CASP8: variants seen among roughly 807,000 people sequenced by gnomAD.
CASP8 encodes the protein caspase-8.
In CASP8, 24 loss-of-function variants were observed where a neutral mutation model predicts 46.3. That is an observed-to-expected ratio of 0.52 (90% CI 0.38 to 0.73). CASP8 has a LOEUF of 0.73. Ranked by LOEUF, CASP8 falls within the 30% of genes least tolerant of loss-of-function variation. The pLI is 0.00. For synonymous variants in CASP8, 188 were observed against 200.4 expected, an observed-to-expected ratio of 0.94 and a Z score of 0.52; for missense variants, 460 against 559.0, an observed-to-expected ratio of 0.82 and a Z score of 1.79.
chr2:201,261,427 A>G (rs1451372070), intron 1 of CASP8, among the ~76,000 whole-genome samples: 1 of 152,100 alleles, frequency 6.6e-6, no homozygotes, highest in Admixed American at 6.6e-5. Context: ...AAAGATACAG[A>G]ACAGTTCAAA....
At chr2:201,279,046 C>T (rs746586575) in intron 7 of CASP8, among the ~76,000 whole-genome samples, 2 of 152,072 alleles carry the variant, frequency 1.3e-5, no homozygotes, top group Non-Finnish European at 2.9e-5. Flanking sequence ...TCACTGATTA[C>T]AGAGGGGAAC....
At chr2:201,236,829 C>G (rs1946068453) in intron 2 of CASP8, among the ~76,000 whole-genome samples, 1 of 152,198 alleles carries the variant, frequency 6.6e-6, no homozygotes, top group Non-Finnish European at 1.5e-5. Flanking sequence ...TTGTCTTGAA[C>G]TCCTGGGCTC....
chr2:201,266,365 A>G lies in CASP8; in HGVS notation c.-26-96A>G. The stretch of plus-strand genomic sequence containing the variant: ...TTTTCTCTCCTGTGCTGACAGCACA[A>G]TGACCAGTACCTAGTAGTTGCAGTA... On this transcript the variant is annotated intron_variant, in intron 1 of 8. Coordinates refer to ENST00000673742, the MANE Select transcript of CASP8 (RefSeq NM_001372051.1). The surrounding 1 kb of genome is among the most constrained non-coding windows in gnomAD (Gnocchi z 5.7). 1.1e-6 allele frequency: 1 copy of G among 901,172 alleles called. No individual in the cohort carries two copies. Among genetic ancestry groups the G allele is most frequent in the Non-Finnish European group, 1.8e-6 (1 of 553,788 alleles). 55.8% of individuals were successfully genotyped at this position (901,172 alleles called of 1,614,324 possible). A position where few individuals can be genotyped will look rare whatever the true frequency, so the allele number is the denominator to read the frequency against.
intron 2 of CASP8, among the ~76,000 whole-genome samples, chr2:201,268,956 T>TGTGTGTGTGA (rs1553602753): frequency 7.5e-6 from 1 of 133,266 alleles, no homozygotes; most frequent in Non-Finnish European, 1.7e-5. Context: ...TGTGTGTGTG[T>TGTGTGTGTGA]GAGACAGTGT....
Position 201,266,678 on chromosome 2 carries a change from G to A in CASP8, c.192G>A (p.Glu64=), listed in dbSNP as rs778513059. The change falls in exon 2 of 9, where the codon GAG becomes GAA. Residue 64 remains glutamate (E), a synonymous_variant. Transcript: ENST00000673742. The surrounding 1 kb of genome is among the most constrained non-coding windows in gnomAD (Gnocchi z 5.7). ...LEESNLSFLK[E]LLFRINRLDL... is the part of the protein sequence containing the mutation. The stretch of plus-strand genomic sequence containing the variant: ...AAAGCAATCTGTCCTTCCTGAAGGA[G>A]CTGCTCTTCCGAATTAATAGACTGG... The A allele has an allele frequency of 1.2e-6, 2 of 1,613,944 alleles. No individual in the cohort carries two copies. Among genetic ancestry groups the A allele is most frequent in the Non-Finnish European group, 8.5e-7 (1 of 1,179,844 alleles).
chr2:201,244,165 A>T (rs528366475), intron 2 of CASP8, among the ~76,000 whole-genome samples: 1 of 152,210 alleles, frequency 6.6e-6, no homozygotes, highest in African/African-American at 2.4e-5. Context: ...CAGGATCAAG[A>T]TCACTTCCAG....
intron 2 of CASP8, among the ~76,000 whole-genome samples, chr2:201,254,414 ATC>A (rs1318015560): frequency 6.6e-6 from 1 of 152,236 alleles, no homozygotes; most frequent in Non-Finnish European, 1.5e-5. Context: ...TGTGAATGGA[ATC>A]TGTTTTCCCT....
At chr2:201,264,638 A>G (rs1947665374) in intron 1 of CASP8, among the ~76,000 whole-genome samples, 1 of 152,204 alleles carries the variant, frequency 6.6e-6, no homozygotes, top group South Asian at 2.1e-4. Context: ...CATTCAGGAA[A>G]GCCCAGACAA....
rs369459056 is a variant in CASP8, at chr2:201,285,332, C to T, written c.1304+15C>T. ...CGATGTCCTCGGTAAGTTTTGCCTA[C>T]TCAGCCCTCCTCACTGTTACACTAC... is the stretch of plus-strand genomic sequence containing the variant. On this transcript the variant is annotated intron_variant, in intron 8 of 8. Coordinates refer to ENST00000673742, the MANE Select transcript of CASP8 (RefSeq NM_001372051.1). 1.2e-6 allele frequency: 2 copies of T among 1,612,082 alleles called. No individual in the cohort carries two copies. The highest frequency in any genetic ancestry group is 1.7e-6 in the Non-Finnish European group (2 of 1,179,908).
chr2:201,253,324 A>C (rs1326747021), intron 2 of CASP8, among the ~76,000 whole-genome samples: 1 of 29,978 alleles, frequency 3.3e-5, no homozygotes, highest in Non-Finnish European at 1.6e-4. Context: ...TTTTTTTTTT[A>C]AGAAACAGTC....
At position 201,284,818 on chromosome 2, in the gene CASP8, G is replaced by T. The variant is rs1375836336; in HGVS notation, c.805G>T (p.Ala269Ser). The T allele has an allele frequency of 1.2e-6, 2 of 1,611,512 alleles. No individual in the cohort carries two copies. Among genetic ancestry groups the T allele is most frequent in the Non-Finnish European group, 1.7e-6 (2 of 1,179,476 alleles). The change falls in exon 8 of 9, where the codon GCT becomes TCT. Residue 269 changes from alanine to serine, a missense_variant and splice_region_variant. Physicochemically the swap from Ala to Ser is moderately conservative, Grantham distance 99. Coordinates refer to ENST00000673742, the MANE Select transcript of CASP8 (RefSeq NM_001372051.1). ...DRNGTHLDAG[A>S]LTTTFEELHF... ...ACTGTTCAAATTTCACTTTTCAGGG[G>T]CTTTGACCACGACCTTTGAAGAGCT...
chr2:201,239,320 C>T (rs1002189444), intron 2 of CASP8, among the ~76,000 whole-genome samples: 1 of 152,118 alleles, frequency 6.6e-6, no homozygotes, highest in Non-Finnish European at 1.5e-5. Context: ...GGCAGAGGGG[C>T]TCCTCACCTC....
chr2:201,256,774 A>G (rs368793077), upstream of CASP8, among the ~76,000 whole-genome samples: 26 of 152,340 alleles, frequency 1.7e-4, no homozygotes, highest in African/African-American at 6.0e-4. Context: ...AAGGTGCAAC[A>G]TATAGGTAAT....
At chr2:201,265,462 G>A (rs1947741490) in intron 1 of CASP8, among the ~76,000 whole-genome samples, 1 of 152,144 alleles carries the variant, frequency 6.6e-6, no homozygotes, top group South Asian at 2.1e-4. Context: ...GACATACAGA[G>A]GGATATAATG....
At chr2:201,235,107 C>T (rs758582028) in intron 2 of CASP8, among the ~76,000 whole-genome samples, 5 of 152,144 alleles carry the variant, frequency 3.3e-5, no homozygotes, top group Non-Finnish European at 7.4e-5. Flanking sequence ...GCTTGTCTGT[C>T]TTTCTTACCC....
chr2:201,252,975 C>T (rs1198881186), intron 2 of CASP8, among the ~76,000 whole-genome samples: 2 of 151,832 alleles, frequency 1.3e-5, no homozygotes, highest in Admixed American at 1.3e-4. Flanking sequence ...AGGGAATAAC[C>T]CTCCCAACAT....
In CASP8 at chr2:201,286,789, A is replaced by T. The variant is rs1047487248; in HGVS notation, c.*195A>T. The T allele has an allele frequency of 1.6e-5, 8 of 490,716 alleles. No homozygotes were observed. Among genetic ancestry groups the T allele is most frequent in the Non-Finnish European group, 3.0e-5 (8 of 269,658 alleles). 30.4% of individuals were successfully genotyped at this position (490,716 alleles called of 1,614,324 possible). ...CGCCACCACACCTGGCTAATTTTTT[A>T]AAAATATTTTTAGTAGAGACAGGGT... On this transcript the variant is annotated 3_prime_UTR_variant, in exon 9 of 9. Transcript: ENST00000673742.
upstream of CASP8, among the ~76,000 whole-genome samples, chr2:201,257,481 C>A (rs1444995803): frequency 2.0e-3 from 240 of 122,164 alleles, no homozygotes; most frequent in South Asian, 3.1e-3. Flanking sequence ...GACTCCGTCT[C>A]AAAAAAAAAA....
intron 2 of CASP8, among the ~76,000 whole-genome samples, chr2:201,243,480 TCAGA>T (rs1252110154): frequency 7.9e-5 from 12 of 152,314 alleles, no homozygotes; most frequent in Non-Finnish European, 1.0e-4. Context: ...TTTAAGAAAC[TCAGA>T]CAGAAAAATC....
Sources: allele counts gnomAD v4.1 joint callset (sites outside exome capture counted in the v4.1 genomes callset), GRCh38; gene constraint gnomAD v4.1.1; non-coding constraint Gnocchi (gnomAD v3.1); transcripts MANE v1.5; gene names NCBI Gene and HGNC (gene_info 2026-07-23, HGNC 2026-07-21).